Variants in FOXP2 observed in about 807,000 individuals in gnomAD.
FOXP2 encodes the protein forkhead box protein P2.
A neutral mutation model predicts 115.8 loss-of-function variants in FOXP2; 12 were observed. The ratio of observed to expected loss-of-function variants is 0.10; its 90% CI spans 0.07 to 0.17. The LOEUF (loss-of-function observed/expected upper bound fraction) is 0.17, where lower values mean the gene tolerates loss of function less well. FOXP2 is among the 10% of genes least tolerant of loss of function. The pLI, the probability that FOXP2 is intolerant of heterozygous loss-of-function variation, is 1.00. For missense variants in FOXP2, 629 were observed against 843.5 expected (o/e 0.75, Z 3.15); for synonymous variants, 328 against 297.7 (o/e 1.10, Z -1.05).
chr7:114,310,593 C>G (rs1448336719), intron 2 of FOXP2, among the ~76,000 whole-genome samples: 1 of 151,666 alleles, frequency 6.6e-6, no homozygotes, highest in Non-Finnish European at 1.5e-5. Flanking sequence ...TCTGAGTACT[C>G]TGGCAGGCAT....
At chr7:114,289,976 A>G (rs1173288295) in intron 2 of FOXP2, among the ~76,000 whole-genome samples, 2 of 151,870 alleles carry the variant, frequency 1.3e-5, no homozygotes, top group East Asian at 3.9e-4. Flanking sequence ...GGTTGATAGG[A>G]GTTTGCATCC....
intron 1 of FOXP2, among the ~76,000 whole-genome samples, chr7:114,175,681 T>C (rs1793272022): frequency 6.6e-6 from 1 of 152,188 alleles, no homozygotes; most frequent in Non-Finnish European, 1.5e-5. Context: ...CTAAAATAAA[T>C]ACACATCAAC....
intron 2 of FOXP2, among the ~76,000 whole-genome samples, chr7:114,493,296 T>C (rs1192105671): frequency 6.6e-6 from 1 of 152,160 alleles, no homozygotes; most frequent in Non-Finnish European, 1.5e-5. Context: ...TTTGAGCCTA[T>C]GTGTGTCTCT....
chr7:114,406,592 A>G, intron 2 of FOXP2, among the ~76,000 whole-genome samples: 1 of 152,014 alleles, frequency 6.6e-6, no homozygotes, highest in Non-Finnish European at 1.5e-5. Context: ...TTCATTATGT[A>G]TAACTTTCTC....
chr7:114,615,810 C>T (rs976749694), intron 3 of FOXP2, among the ~76,000 whole-genome samples: 5 of 152,282 alleles, frequency 3.3e-5, no homozygotes, highest in East Asian at 1.9e-4. Flanking sequence ...AGGCCAAGTT[C>T]GGGAACTTTG....
At chr7:114,434,187 T>G (rs909683728) in intron 2 of FOXP2, among the ~76,000 whole-genome samples, 1 of 151,938 alleles carries the variant, frequency 6.6e-6, no homozygotes, top group African/African-American at 2.4e-5. Flanking sequence ...AAATAATTGT[T>G]TTTGAATAGC....
chr7:114,293,583 C>T (rs902588365), intron 2 of FOXP2, among the ~76,000 whole-genome samples: 1 of 152,086 alleles, frequency 6.6e-6, no homozygotes, highest in African/African-American at 2.4e-5. Context: ...TTTCATAATC[C>T]CCACTTGTTG....
chr7:114,460,650 A>G (rs1049944471), intron 2 of FOXP2, among the ~76,000 whole-genome samples: 2 of 152,194 alleles, frequency 1.3e-5, no homozygotes, highest in African/African-American at 2.4e-5. Context: ...GTCTGACTAG[A>G]TAATTTTCAT....
chr7:114,407,274 A>G (rs1356618320), intron 2 of FOXP2, among the ~76,000 whole-genome samples: 2 of 152,076 alleles, frequency 1.3e-5, no homozygotes, highest in African/African-American at 4.8e-5. Context: ...TAAAAGATAA[A>G]TAGTTGGAAT....
intron 3 of FOXP2, among the ~76,000 whole-genome samples, chr7:114,580,326 C>G (rs1045280489): frequency 1.3e-5 from 2 of 152,094 alleles, no homozygotes; most frequent in African/African-American, 4.8e-5. Context: ...GCCTGTAATC[C>G]CAGCACTTTG....
At chr7:114,560,267 G>A (rs141293536) in intron 3 of FOXP2, among the ~76,000 whole-genome samples, 183 of 152,158 alleles carry the variant, frequency 1.2e-3, no homozygotes, top group African/African-American at 3.9e-3. Context: ...TGTAAAGTCT[G>A]ATTATACAAG....
At chr7:114,352,030 G>T (rs756411136) in intron 2 of FOXP2, among the ~76,000 whole-genome samples, 2 of 152,060 alleles carry the variant, frequency 1.3e-5, no homozygotes, top group Non-Finnish European at 2.9e-5. Flanking sequence ...CACTTTGGGA[G>T]GCCGAGTCAG....
intron 1 of FOXP2, among the ~76,000 whole-genome samples, chr7:114,231,707 A>C (rs1794879642): frequency 6.6e-6 from 1 of 152,214 alleles, no homozygotes; most frequent in South Asian, 2.1e-4. Flanking sequence ...ACCATACATA[A>C]ACATCAATTC....
intron 1 of FOXP2, among the ~76,000 whole-genome samples, chr7:114,117,748 C>T (rs1487875687): frequency 6.6e-6 from 1 of 152,084 alleles, no homozygotes; most frequent in Non-Finnish European, 1.5e-5. Flanking sequence ...CAATTACCAT[C>T]AACTAGATAG....
chr7:114,627,409 G>T (rs1037123394), intron 3 of FOXP2, among the ~76,000 whole-genome samples: 2 of 151,950 alleles, frequency 1.3e-5, no homozygotes, highest in Non-Finnish European at 2.9e-5. Context: ...CTATTTCAAA[G>T]GTTGCAAACT....
At chr7:114,330,977 T>C (rs1473236881) in intron 2 of FOXP2, among the ~76,000 whole-genome samples, 12 of 152,212 alleles carry the variant, frequency 7.9e-5, no homozygotes, top group Non-Finnish European at 1.6e-4. Flanking sequence ...TCTATTCTAA[T>C]TTGTAGTTGA....
At chr7:114,310,510 CT>C (rs529016127) in intron 2 of FOXP2, among the ~76,000 whole-genome samples, 1,650 of 143,226 alleles carry the variant, frequency 0.012, 7 homozygotes, top group African/African-American at 0.012. Context: ...GATTAGCTGT[CT>C]TTTTTTTTTT....
chr7:114,687,286 A>G (rs1165283322), intron 16 of FOXP2, among the ~76,000 whole-genome samples: 1 of 152,158 alleles, frequency 6.6e-6, no homozygotes, highest in Non-Finnish European at 1.5e-5. Context: ...ACCTTATTTC[A>G]TTACAATACC....
intron 2 of FOXP2, among the ~76,000 whole-genome samples, chr7:114,341,373 T>C (rs1916983): frequency 0.064 from 9,624 of 151,190 alleles, 362 homozygotes; most frequent in Middle Eastern, 0.15. Context: ...CAAAAACATA[T>C]ATAGTATGTT....
Sources: allele counts gnomAD v4.1 joint callset (sites outside exome capture counted in the v4.1 genomes callset), GRCh38; gene constraint gnomAD v4.1.1; transcripts MANE v1.5; gene names NCBI Gene and HGNC (gene_info 2026-07-23, HGNC 2026-07-21).